Variants in STC1 observed in about 807,000 individuals in gnomAD.
STC1 encodes stanniocalcin-1.
A neutral mutation model predicts 22.6 loss-of-function variants in STC1; 7 were observed. The observed-to-expected ratio is 0.31, with a 90% CI of 0.18 to 0.58. STC1 has a LOEUF of 0.58. Ranked by LOEUF, STC1 falls within the 20% of genes least tolerant of loss-of-function variation. The pLI is 0.89. For missense variants in STC1, 224 were observed against 311.0 expected (o/e 0.72, Z 2.10); for synonymous variants, 113 against 120.7 (o/e 0.94, Z 0.42).
intron 3 of STC1, among the ~76,000 whole-genome samples, chr8:23,846,191 C>T (rs1208632228): frequency 1.3e-5 from 2 of 152,048 alleles, no homozygotes; most frequent in Non-Finnish European, 2.9e-5. Flanking sequence ...ATCTTTGCAG[C>T]GAATTCTTTA....
rs1026606363 is a variant in STC1 at position 23,844,326 on chromosome 8, C to G, written c.*444G>C. ...CCATGGCCAGCACAGATTCATAACA[C>G]GAATTCCATTTAACATCTTTATGAG... is the stretch of plus-strand genomic sequence containing the variant. On this transcript the variant is annotated 3_prime_UTR_variant, in exon 4 of 4. Coordinates refer to ENST00000290271, the MANE Select transcript of STC1 (RefSeq NM_003155.3). The G allele has an allele frequency of 1.1e-5, 2 of 182,770 alleles. No individual in the cohort carries two copies. Among genetic ancestry groups the G allele is most frequent in the South Asian group, 1.3e-4 (1 of 7,886 alleles). 11.3% of individuals were successfully genotyped at this position (182,770 alleles called of 1,614,324 possible).
intron 3 of STC1, among the ~76,000 whole-genome samples, chr8:23,850,589 A>G (rs1802626387): frequency 3.3e-5 from 5 of 152,192 alleles, no homozygotes; most frequent in Admixed American, 1.3e-4. Flanking sequence ...AAAAACACTG[A>G]AAAGTACAAT....
chr8:23,854,262 A>T, intron 1 of STC1, 144 bp downstream of exon 1: 1 of 936,672 alleles, frequency 1.1e-6, no homozygotes, highest in Non-Finnish European at 1.6e-6. Flanking sequence ...GCCTAAGGCT[A>T]TTGGATTACA....
chr8:23,847,859 T>A (rs1294073178), intron 3 of STC1, among the ~76,000 whole-genome samples: 1 of 152,238 alleles, frequency 6.6e-6, no homozygotes, highest in Non-Finnish European at 1.5e-5. Flanking sequence ...CAAATTTAAT[T>A]GTGGACTACC....
intron 1 of STC1, among the ~76,000 whole-genome samples, chr8:23,852,675 C>T (rs1263944390): frequency 2.0e-5 from 3 of 152,136 alleles, no homozygotes; most frequent in East Asian, 1.9e-4. Flanking sequence ...AAGTGAGGCT[C>T]AAGTCTGGAA....
At chr8:23,850,320 T>C (rs921535268) in intron 3 of STC1, among the ~76,000 whole-genome samples, 3 of 152,154 alleles carry the variant, frequency 2.0e-5, no homozygotes, top group African/African-American at 7.2e-5. Flanking sequence ...CAGAGTAACA[T>C]GCAAAGCACT....
chr8:23,854,772 G>GC lies in STC1; in HGVS notation c.-250_-249insG. 1.7e-6 allele frequency: 1 copy of GC among 603,502 alleles called. No homozygotes were observed. Among genetic ancestry groups the GC allele is most frequent in the Non-Finnish European group, 3.1e-6 (1 of 324,698 alleles). The allele number at this position is 603,502 out of a possible 1,614,324, so 37.4% of individuals were successfully genotyped here. On this transcript the variant is annotated 5_prime_UTR_variant, in exon 1 of 4. Coordinates refer to ENST00000290271, the MANE Select transcript of STC1 (RefSeq NM_003155.3). ...CGCCGCTGCTGCTGCTGCTGCTGCA[G>GC]TCGCTGCTTCTTGCACCTCTGGCTT...
intron 1 of STC1, among the ~76,000 whole-genome samples, 173 bp from the exon 2 acceptor site, chr8:23,852,557 G>A (rs1398327203): frequency 6.6e-6 from 1 of 152,146 alleles, no homozygotes; most frequent in Non-Finnish European, 1.5e-5. Context: ...GGATAGACAG[G>A]CTCCTTTTGT....
Position 23,854,700 on chromosome 8 carries a change from G to T in STC1, c.-177C>A. The T allele has an allele frequency of 2.8e-6, 2 of 708,266 alleles. No individual in the cohort carries two copies. The highest frequency in any genetic ancestry group is 1.5e-5 in the South Asian group (1 of 68,028). The allele number at this position is 708,266 out of a possible 1,614,324, so 43.9% of individuals were successfully genotyped here. A position where few individuals can be genotyped will look rare whatever the true frequency, so the allele number is the denominator to read the frequency against. ...TGGTGATGCTGCTGCTGCCACCGGT[G>T]CCTCCGCTGCTGCTGCTGCTGCCGC... On this transcript the variant is annotated 5_prime_UTR_variant, in exon 1 of 4. Transcript: ENST00000290271.
intron 3 of STC1, among the ~76,000 whole-genome samples, chr8:23,848,568 T>C (rs944599062): frequency 4.8e-5 from 7 of 145,956 alleles, no homozygotes; most frequent in African/African-American, 1.8e-4. Context: ...AAGAAGAAGA[T>C]TCCTTTCTTT....
chr8:23,845,154 A>T, intron 3 of STC1, 114 bp from the exon 4 acceptor site: 1 of 1,112,192 alleles, frequency 9.0e-7, no homozygotes, highest in Non-Finnish European at 1.3e-6. Flanking sequence ...CCATGCAAAC[A>T]TCAATAGTTC....
In STC1 at chr8:23,844,381, C is replaced by G. The variant is rs1295624637; in HGVS notation, c.*389G>C. ...TAAGACATGCATTTAAATAAAGTTT[C>G]CTTATCAGCTAACTCTACTGGGGCA... On this transcript the variant is annotated 3_prime_UTR_variant, in exon 4 of 4. Coordinates refer to ENST00000290271, the MANE Select transcript of STC1 (RefSeq NM_003155.3). The G allele has an allele frequency of 4.7e-6, 1 of 212,152 alleles. No individual in the cohort carries two copies. Among genetic ancestry groups the G allele is most frequent in the African/African-American group, 2.3e-5 (1 of 44,210 alleles). 13.1% of individuals were successfully genotyped at this position (212,152 alleles called of 1,614,324 possible).
chr8:23,847,847 C>T (rs909778860), intron 3 of STC1, among the ~76,000 whole-genome samples: 18 of 152,312 alleles, frequency 1.2e-4, no homozygotes, highest in South Asian at 2.1e-4. Context: ...AGAGAAAGGA[C>T]GCAAATTTAA....
At chr8:23,845,451 A>C (rs1355141523) in intron 3 of STC1, among the ~76,000 whole-genome samples, 1 of 152,106 alleles carries the variant, frequency 6.6e-6, no homozygotes, top group African/African-American at 2.4e-5. Context: ...GAATGAAGTG[A>C]GTCCAATGCT....
chr8:23,845,149 C>G (rs988850956), intron 3 of STC1, 109 bp from the exon 4 acceptor site: 3 of 1,159,880 alleles, frequency 2.6e-6, no homozygotes, highest in Non-Finnish European at 3.7e-6. Flanking sequence ...CCTGACCATG[C>G]AAACATCAAT....
chr8:23,846,246 T>A (rs1464720081), intron 3 of STC1, among the ~76,000 whole-genome samples: 1 of 152,186 alleles, frequency 6.6e-6, no homozygotes, highest in Non-Finnish European at 1.5e-5. Context: ...TCAGAAAGGA[T>A]TAAACTGTCT....
intron 3 of STC1, among the ~76,000 whole-genome samples, chr8:23,849,022 G>A (rs951597846): frequency 6.6e-6 from 1 of 152,156 alleles, no homozygotes; most frequent in African/African-American, 2.4e-5. Context: ...ATTCAGGCAG[G>A]TGGAAACTCC....
Position 23,854,419 on chromosome 8 carries a change from C to T in STC1, c.105G>A (p.Ala35=). ...DSVSPRKSRV[A]AQNSAEVVRC... ...TTTGCTGCTTACCTGAGTTTTGAGC[C>T]GCCACTCGGGATTTCCTGGGGCTCA... Residue 35 remains alanine, a synonymous_variant, in exon 1 of 4, where the codon GCG becomes GCA. Coordinates refer to ENST00000290271, the MANE Select transcript of STC1 (RefSeq NM_003155.3). 1.2e-6 allele frequency: 2 copies of T among 1,614,082 alleles called. No individual in the cohort carries two copies. The highest frequency in any genetic ancestry group is 1.7e-6 in the Non-Finnish European group (2 of 1,179,994).
At chr8:23,845,834 A>G (rs547326196) in intron 3 of STC1, among the ~76,000 whole-genome samples, 63 of 152,232 alleles carry the variant, frequency 4.1e-4, no homozygotes, top group African/African-American at 1.4e-3. Context: ...TCCTTCTTCT[A>G]CTATACCAGA....
Sources: gnomAD v4.1 joint callset for allele counts (sites outside exome capture counted in the v4.1 genomes callset) on GRCh38, gnomAD v4.1.1 for gene constraint, MANE v1.5 for transcripts, NCBI Gene and HGNC (gene_info 2026-07-23, HGNC 2026-07-21) for gene names.